Variants in KAZN observed in about 807,000 individuals in gnomAD.
The protein encoded by KAZN is kazrin, periplakin interacting protein.
A neutral mutation model predicts 87.4 loss-of-function variants in KAZN; 40 were observed. The ratio of observed to expected loss-of-function variants is 0.46; its 90% CI spans 0.36 to 0.60. The LOEUF (loss-of-function observed/expected upper bound fraction) is 0.60. KAZN is among the 20% of genes least tolerant of loss of function. KAZN has a pLI of 0.00. For missense variants in KAZN, 898 were observed against 1,073.9 expected, an observed-to-expected ratio of 0.84 and a Z score of 2.29; for synonymous variants, 466 against 458.3, an observed-to-expected ratio of 1.02 and a Z score of -0.22.
chr1:14,973,464 G>A (rs1665289699), intron 2 of KAZN, among the ~76,000 whole-genome samples: 1 of 152,204 alleles, frequency 6.6e-6, no homozygotes, highest in Non-Finnish European at 1.5e-5. Flanking sequence ...TGCAAGTCCT[G>A]CCCCTGTACC....
intron 2 of KAZN, among the ~76,000 whole-genome samples, chr1:14,396,905 T>TTTG (rs1172062648): frequency 6.6e-6 from 1 of 152,150 alleles, no homozygotes; most frequent in Admixed American, 6.5e-5. Context: ...TATGAGTTTT[T>TTTG]TTTTTTTACT....
chr1:14,915,815 C>T (rs763183865), intron 1 of KAZN, among the ~76,000 whole-genome samples: 43 of 152,266 alleles, frequency 2.8e-4, no homozygotes, highest in Non-Finnish European at 5.6e-4. Flanking sequence ...GGTGGCTTGG[C>T]GGGTTGAATG....
At chr1:13,897,366 C>A (rs1639084249) in intron 1 of KAZN, among the ~76,000 whole-genome samples, 1 of 152,194 alleles carries the variant, frequency 6.6e-6, no homozygotes, top group South Asian at 2.1e-4. Context: ...TGAAAGGGAT[C>A]AAGCCTGAGA....
intron 2 of KAZN, among the ~76,000 whole-genome samples, chr1:14,539,719 G>GA (rs374668940): frequency 0.018 from 2,687 of 147,054 alleles, 70 homozygotes; most frequent in African/African-American, 0.06. Context: ...CTAGTTTGAT[G>GA]AAAAAAAAAA....
intron 2 of KAZN, among the ~76,000 whole-genome samples, chr1:14,468,668 G>T (rs1668289770): frequency 6.6e-6 from 1 of 152,128 alleles, no homozygotes; most frequent in African/African-American, 2.4e-5. Flanking sequence ...CTAAATTAGG[G>T]GTATTGGAGA....
chr1:14,930,541 A>G (rs1659696745), intron 1 of KAZN, among the ~76,000 whole-genome samples: 1 of 152,154 alleles, frequency 6.6e-6, no homozygotes, highest in Admixed American at 6.5e-5. Flanking sequence ...CTGAGGGCCG[A>G]GCAGGAACCA....
In KAZN at chr1:14,237,453, G is replaced by A. The variant is rs1043771531; in HGVS notation, c.249+56861G>A. On this transcript the variant is annotated intron_variant, in intron 2 of 16. Coordinates refer to the KAZN transcript ENST00000636203. Reference sequence around the variant, plus strand: ...ATGAAATCATTTCATGCATTCACTGGTCTCTGGACTGTTTCATTTCCAAAC... The same window carrying A: ...ATGAAATCATTTCATGCATTCACTGATCTCTGGACTGTTTCATTTCCAAAC... 2.6e-5 allele frequency among the ~76,000 whole-genome samples: 4 copies of A among 152,114 alleles called. 1 individual carries two copies. Among genetic ancestry groups the A allele is most frequent in the South Asian group, 2.1e-4 (1 of 4,812 alleles).
At position 14,634,015 on chromosome 1, in the gene KAZN, A is replaced by G. The variant is rs185939171; in HGVS notation, c.226+34792A>G. Among the ~76,000 whole-genome samples, 4 of 152,256 alleles carry G rather than the reference A, an allele frequency of 2.6e-5. No individual in the cohort carries two copies. In the East Asian group the frequency reaches 7.7e-4, roughly 29 times the overall value. ...TGCCTACCTGTGTTTGAGGGTCTCA[A>G]TAGCAGGGTCCAACAACTGCAGAGA... On this transcript the variant is annotated intron_variant, in intron 1 of 14. Transcript: ENST00000376030.
intron 1 of KAZN, among the ~76,000 whole-genome samples, chr1:14,790,789 C>A (rs927171346): frequency 6.6e-5 from 10 of 152,144 alleles, no homozygotes; most frequent in African/African-American, 2.2e-4. Flanking sequence ...TCCTCCCAGG[C>A]TCAAGCGATT....
intron 2 of KAZN, among the ~76,000 whole-genome samples, chr1:14,421,801 C>A (rs1665444381): frequency 6.6e-6 from 1 of 152,150 alleles, no homozygotes; most frequent in South Asian, 2.1e-4. Context: ...GCTCACCTTT[C>A]AAAACCCTGA....
intron 1 of KAZN, among the ~76,000 whole-genome samples, chr1:14,688,968 C>A (rs187937246): frequency 6.6e-6 from 1 of 151,980 alleles, no homozygotes; most frequent in Non-Finnish European, 1.5e-5. Flanking sequence ...CCAAGGTGGG[C>A]GGATTGCCTG....
At chr1:14,079,135 T>G (rs970891832) in intron 1 of KAZN, among the ~76,000 whole-genome samples, 7 of 152,200 alleles carry the variant, frequency 4.6e-5, no homozygotes, top group Non-Finnish European at 8.8e-5. Flanking sequence ...TCTGCTTGGC[T>G]TCTGGGGAGG....
At chr1:14,711,819 AC>A (rs991488834) in intron 1 of KAZN, among the ~76,000 whole-genome samples, 61 of 152,180 alleles carry the variant, frequency 4.0e-4, no homozygotes, top group African/African-American at 1.4e-3. Flanking sequence ...CCTGTGAGAG[AC>A]CCCGGGACAA....
chr1:13,943,204 GAGA>G (rs764571204), intron 1 of KAZN, among the ~76,000 whole-genome samples: 3 of 151,646 alleles, frequency 2.0e-5, no homozygotes, highest in African/African-American at 7.3e-5. Flanking sequence ...GGAAGTTAGA[GAGA>G]AGAAGATACT....
At chr1:14,446,677 G>C (rs75844696) in intron 2 of KAZN, among the ~76,000 whole-genome samples, 1 of 152,084 alleles carries the variant, frequency 6.6e-6, no homozygotes, top group Non-Finnish European at 1.5e-5. Flanking sequence ...TGAACCCTAG[G>C]TGAGAGGGCT....
chr1:14,138,885 C>T (rs1422151257), intron 1 of KAZN, among the ~76,000 whole-genome samples: 6 of 152,122 alleles, frequency 3.9e-5, no homozygotes, highest in Non-Finnish European at 8.8e-5. Context: ...AAGAATGGAT[C>T]TAGTTTTACA....
intron 1 of KAZN, among the ~76,000 whole-genome samples, chr1:14,939,260 C>T (rs941785773): frequency 6.6e-6 from 1 of 151,858 alleles, no homozygotes; most frequent in Non-Finnish European, 1.5e-5. Context: ...GTGTGAGCCA[C>T]CGTGCCTGGC....
In KAZN at chr1:14,086,953, CAAAT is replaced by C. The variant is rs372596424; in HGVS notation, c.92-93479_92-93476del. ...CTTCAGCTTTATAATATCTTGAAAT[CAAAT>C]AATTGTAAGGCCTCCAACTTTTTCT... is the stretch of plus-strand genomic sequence containing the variant. On this transcript the variant is annotated intron_variant, in intron 1 of 16. Transcript: ENST00000636203. 4.4e-3 allele frequency among the ~76,000 whole-genome samples: 663 copies of C among 152,240 alleles called. 4 individuals are homozygous for C. Among genetic ancestry groups the C allele is most frequent in the African/African-American group, 0.015 (633 of 41,552 alleles).
chr1:14,269,323 T>A (rs1180421157), intron 2 of KAZN, among the ~76,000 whole-genome samples: 1 of 151,286 alleles, frequency 6.6e-6, no homozygotes. Context: ...TTGATAATGA[T>A]AAAAAAAAAG....
Sources: gnomAD v4.1 joint callset for allele counts (sites outside exome capture counted in the v4.1 genomes callset) on GRCh38, gnomAD v4.1.1 for gene constraint, MANE v1.5 for transcripts, NCBI Gene and HGNC (gene_info 2026-07-23, HGNC 2026-07-21) for gene names.